MYO3B: variants seen among roughly 807,000 people sequenced by gnomAD.
MYO3B encodes myosin-IIIb.
MYO3B carries 156 observed loss-of-function variants against 174.6 expected under a neutral mutation model. The observed-to-expected ratio is 0.89, with a 90% CI of 0.78 to 1.02. MYO3B has a LOEUF of 1.02. Among genes scored for constraint, MYO3B ranks in the 50% least tolerant of loss-of-function variants. The pLI, the probability that MYO3B is intolerant of heterozygous loss-of-function variation, is 0.00. For synonymous variants in MYO3B, 563 were observed against 569.1 expected (o/e 0.99, Z 0.15); for missense variants, 1,632 against 1,639.4 (o/e 1.00, Z 0.08).
At chr2:170,274,050 A>G (rs1574696564) in intron 7 of MYO3B, among the ~76,000 whole-genome samples, 1 of 152,108 alleles carries the variant, frequency 6.6e-6, no homozygotes, top group Non-Finnish European at 1.5e-5. Context: ...TGGTCTGGCC[A>G]TATTAGACAT....
chr2:170,605,020 G>T (rs746183886), intron 32 of MYO3B, among the ~76,000 whole-genome samples: 5 of 151,884 alleles, frequency 3.3e-5, no homozygotes, highest in Non-Finnish European at 5.9e-5. Flanking sequence ...ATTTTTTACT[G>T]TACCTGTTAT....
At chr2:170,645,642 T>G (rs1698309013) in intron 32 of MYO3B, among the ~76,000 whole-genome samples, 1 of 152,180 alleles carries the variant, frequency 6.6e-6, no homozygotes, top group Non-Finnish European at 1.5e-5. Flanking sequence ...ACTCTGCCGC[T>G]TACAAATTTA....
intron 32 of MYO3B, among the ~76,000 whole-genome samples, chr2:170,618,864 A>C (rs1432918916): frequency 6.6e-6 from 1 of 152,100 alleles, no homozygotes; most frequent in Non-Finnish European, 1.5e-5. Flanking sequence ...TGTATGTAGA[A>C]GTACAGCATA....
chr2:170,270,275 C>A (rs1229964479), intron 7 of MYO3B, among the ~76,000 whole-genome samples: 4 of 152,146 alleles, frequency 2.6e-5, no homozygotes, highest in Non-Finnish European at 5.9e-5. Flanking sequence ...AGAGTGCAAA[C>A]CCATTCTGCT....
chr2:170,552,392 G>T (rs1353629532), intron 32 of MYO3B, among the ~76,000 whole-genome samples: 1 of 152,186 alleles, frequency 6.6e-6, no homozygotes, highest in Non-Finnish European at 1.5e-5. Context: ...CTGCAGTAAA[G>T]GTCACTCTTG....
chr2:170,629,577 C>T (rs777792415), intron 32 of MYO3B, among the ~76,000 whole-genome samples: 5 of 152,170 alleles, frequency 3.3e-5, no homozygotes, highest in Admixed American at 6.5e-5. Flanking sequence ...GGGCTGGGTG[C>T]GGTGGCTCAC....
At chr2:170,480,551 CA>C (rs1345401850) in intron 25 of MYO3B, among the ~76,000 whole-genome samples, 1 of 152,178 alleles carries the variant, frequency 6.6e-6, no homozygotes, top group East Asian at 1.9e-4. Flanking sequence ...TAATTGAACT[CA>C]AAGAGGGTGT....
At chr2:170,505,392 A>C (rs1687560375) in intron 28 of MYO3B, among the ~76,000 whole-genome samples, 1 of 152,226 alleles carries the variant, frequency 6.6e-6, no homozygotes, top group Non-Finnish European at 1.5e-5. Flanking sequence ...TTAAATGCCA[A>C]ATAATTAAAA....
At chr2:170,639,112 C>G (rs531173653) in intron 32 of MYO3B, among the ~76,000 whole-genome samples, 2 of 152,202 alleles carry the variant, frequency 1.3e-5, no homozygotes, top group East Asian at 1.9e-4. Flanking sequence ...GTCCCATATC[C>G]GCAAGCACTT....
intron 32 of MYO3B, among the ~76,000 whole-genome samples, chr2:170,615,220 T>C (rs937675363): frequency 2.0e-5 from 3 of 151,874 alleles, no homozygotes; most frequent in East Asian, 1.9e-4. Flanking sequence ...TCACCACACA[T>C]GTTTACTCAG....
At chr2:170,340,952 G>C (rs1257805399) in intron 8 of MYO3B, 1 of 152,150 alleles carries the variant, frequency 6.6e-6, no homozygotes, top group Non-Finnish European at 1.5e-5. Context: ...CTCGGAGTGA[G>C]CATTGTGGCT....
Position 170,286,436 on chromosome 2 carries a change from A to T in MYO3B, c.750-48949A>T, listed in dbSNP as rs557361656. On this transcript the variant is annotated intron_variant, in intron 7 of 34. Coordinates refer to ENST00000408978, the MANE Select transcript of MYO3B (RefSeq NM_138995.5). Reference sequence around the variant, plus strand: ...TTTCCATCTGTACCTGTACCACATGATGTAGGAAGTTTCCCATTTATATCT... The same window carrying T: ...TTTCCATCTGTACCTGTACCACATGTTGTAGGAAGTTTCCCATTTATATCT... Among the ~76,000 whole-genome samples the T allele has an allele frequency of 2.6e-5, 4 of 152,268 alleles. No homozygotes were observed. In the South Asian group the frequency reaches 8.3e-4, roughly 32 times the overall value.
intron 3 of MYO3B, among the ~76,000 whole-genome samples, chr2:170,212,868 A>G (rs979764030): frequency 6.6e-6 from 1 of 152,190 alleles, no homozygotes; most frequent in Non-Finnish European, 1.5e-5. Context: ...ATCTGCACAA[A>G]GCATCTGATG....
chr2:170,237,316 A>G (rs1348023871), intron 7 of MYO3B, among the ~76,000 whole-genome samples: 1 of 152,060 alleles, frequency 6.6e-6, no homozygotes, highest in East Asian at 1.9e-4. Context: ...ATTTTTTTTT[A>G]CAAATGGTTT....
intron 16 of MYO3B, among the ~76,000 whole-genome samples, chr2:170,396,102 C>T (rs549807716): frequency 1.3e-5 from 2 of 152,266 alleles, no homozygotes; most frequent in South Asian, 2.1e-4. Flanking sequence ...AGTTGGAGGA[C>T]TTGGTCTTCT....
chr2:170,523,218 A>G (rs2106150857), intron 30 of MYO3B, among the ~76,000 whole-genome samples: 1 of 152,334 alleles, frequency 6.6e-6, no homozygotes, highest in Non-Finnish European at 1.5e-5. Flanking sequence ...CTACTCAATA[A>G]GTTTATTGAG....
At position 170,607,968 on chromosome 2, in the gene MYO3B, A is replaced by C. The variant is rs1694914747; in HGVS notation, c.3734-43660A>C. Among the ~76,000 whole-genome samples the C allele has an allele frequency of 1.3e-5, 2 of 152,228 alleles. 1 individual carries two copies. The highest frequency in any genetic ancestry group is 4.1e-4 in the South Asian group (2 of 4,828). On this transcript the variant is annotated intron_variant, in intron 32 of 34. Transcript: ENST00000408978. ...TTTGTGAAGGAGAAGTAATATAATT[A>C]GGGGTCACTGACTTTCGATGTTCTG... is the stretch of plus-strand genomic sequence containing the variant.
At chr2:170,515,141 T>C in intron 29 of MYO3B, 119 bp downstream of exon 29, 1 of 794,778 alleles carries the variant, frequency 1.3e-6, no homozygotes, top group Non-Finnish European at 2.0e-6. Flanking sequence ...CTCCTTCTTT[T>C]TTCTATAGGT....
chr2:170,238,253 A>C (rs1355353283), intron 7 of MYO3B, among the ~76,000 whole-genome samples: 1 of 152,206 alleles, frequency 6.6e-6, no homozygotes, highest in Non-Finnish European at 1.5e-5. Flanking sequence ...CTTTGATGAA[A>C]AGTACAGAAA....
Sources: allele counts gnomAD v4.1 joint callset (sites outside exome capture counted in the v4.1 genomes callset), GRCh38; gene constraint gnomAD v4.1.1; transcripts MANE v1.5; gene names NCBI Gene and HGNC (gene_info 2026-07-23, HGNC 2026-07-21).